The following CTBP1 variants were observed in gnomAD, a reference collection of about 807,000 sequenced individuals.
CTBP1 encodes the protein C-terminal binding protein 1.
A neutral mutation model predicts 42.1 loss-of-function variants in CTBP1; 11 were observed. The observed-to-expected ratio is 0.26, with a 90% CI of 0.16 to 0.43. CTBP1 has a LOEUF of 0.43. Among genes scored for constraint, CTBP1 ranks in the 20% least tolerant of loss-of-function variants. The pLI, the probability that CTBP1 is intolerant of heterozygous loss-of-function variation, is 1.00. For synonymous variants in CTBP1, 324 were observed against 277.1 expected (o/e 1.17, Z -1.68); for missense variants, 399 against 624.3 (o/e 0.64, Z 3.85).
chr4:1,227,988 A>C (rs1308436222), intron 4 of CTBP1, among the ~76,000 whole-genome samples: 2 of 152,182 alleles, frequency 1.3e-5, no homozygotes, highest in Admixed American at 1.3e-4. Flanking sequence ...CCTGCTGCCC[A>C]AAAGAGAGGA....
At chr4:1,216,944 G>C (rs1729191244) in intron 5 of CTBP1, 3 of 152,972 alleles carry the variant, frequency 2.0e-5, no homozygotes. Flanking sequence ...GGTGTCTCCT[G>C]CATTGCCTCA....
chr4:1,230,032 A>T (rs1730794118), intron 3 of CTBP1, among the ~76,000 whole-genome samples: 1 of 152,156 alleles, frequency 6.6e-6, no homozygotes, highest in Non-Finnish European at 1.5e-5. Context: ...AGGTGTGTGT[A>T]ACACTCATCA....
chr4:1,242,444 C>A (rs1379989320), intron 1 of CTBP1: 9 of 985,320 alleles, frequency 9.1e-6, no homozygotes, highest in Non-Finnish European at 1.1e-5. Context: ...AGGGGCCACT[C>A]AGCCAAGCCT....
chr4:1,248,556 G>C, intron 1 of CTBP1: 1 of 437,716 alleles, frequency 2.3e-6, no homozygotes, highest in East Asian at 1.6e-4. Flanking sequence ...GGTAGCGGCC[G>C]GGGATCGGGA....
chr4:1,248,891 G>T, intron 1 of CTBP1, 25 bp downstream of exon 1: 1 of 971,968 alleles, frequency 1.0e-6, no homozygotes, highest in Non-Finnish European at 1.2e-6. Flanking sequence ...CCCGCGGCCG[G>T]AAACGCGCGC....
chr4:1,243,862 C>T (rs1315491484), intron 1 of CTBP1: 14 of 985,348 alleles, frequency 1.4e-5, no homozygotes, highest in Non-Finnish European at 1.7e-5. Flanking sequence ...CGGCTCTCAG[C>T]CCAGCGACAC....
chr4:1,223,007 T>TG (rs1269974305), intron 5 of CTBP1, among the ~76,000 whole-genome samples: 6 of 151,988 alleles, frequency 3.9e-5, no homozygotes, highest in African/African-American at 7.3e-5. Flanking sequence ...GGACAGGCGG[T>TG]GACCTGCAGG....
chr4:1,219,878 T>C (rs541551034), intron 5 of CTBP1, among the ~76,000 whole-genome samples: 1 of 152,316 alleles, frequency 6.6e-6, no homozygotes, highest in Non-Finnish European at 1.5e-5. Context: ...TTTACAAAAC[T>C]CAAGTGTATT....
rs531434178 is a variant in CTBP1, at chr4:1,233,813, C to T, written c.162+4370G>A. ...CGGCGGCGACCTCCAACCAGCTATG[C>T]GGGAAGTTTCTGCCCCAGGAGGCAG... On this transcript the variant is annotated intron_variant, in intron 3 of 9. Transcript: ENST00000382952. This position sits in a 1 kb window ranked among gnomAD's most constrained non-coding sequence, Gnocchi z 4.6. Among the ~76,000 whole-genome samples the T allele has an allele frequency of 1.3e-5, 2 of 152,356 alleles. No individual in the cohort carries two copies. Among genetic ancestry groups the T allele is most frequent in the Admixed American group, 6.5e-5 (1 of 15,310 alleles).
At chr4:1,225,121 G>A (rs773688151) in intron 5 of CTBP1, among the ~76,000 whole-genome samples, 3 of 151,892 alleles carry the variant, frequency 2.0e-5, no homozygotes, top group Admixed American at 6.6e-5. Flanking sequence ...TGTGGCATCC[G>A]TGTACGTTAT....
intron 6 of CTBP1, among the ~76,000 whole-genome samples, chr4:1,215,252 ATCC>A (rs1197763424): frequency 6.6e-6 from 1 of 152,240 alleles, no homozygotes; most frequent in East Asian, 1.9e-4. Context: ...ACCTGGCCTC[ATCC>A]TCCTTGTGGC....
Position 1,248,559 on chromosome 4 carries a change from G to A in CTBP1, c.-189+357C>T, listed in dbSNP as rs1163011617. 4 of 466,648 alleles carry A rather than the reference G, an allele frequency of 8.6e-6. No homozygotes were observed. In the East Asian group the frequency reaches 4.6e-4, roughly 53 times the overall value. 28.9% of individuals were successfully genotyped at this position (466,648 alleles called of 1,614,324 possible). ...GACCGGGGACGGGGTAGCGGCCGGG[G>A]ATCGGGACCCGGGGTGCCGTCCCGG... On this transcript the variant is annotated intron_variant, in intron 1 of 9. Coordinates refer to ENST00000382952, the MANE Select transcript of CTBP1 (RefSeq NM_001012614.2).
chr4:1,244,975 G>A (rs1202454717), intron 1 of CTBP1: 1 of 985,332 alleles, frequency 1.0e-6, no homozygotes, highest in Non-Finnish European at 1.2e-6. Flanking sequence ...GCCCTGCAAT[G>A]GCAGAGAAGG....
intron 1 of CTBP1, chr4:1,248,568 C>G (rs1733009055): frequency 7.1e-6 from 4 of 563,060 alleles, no homozygotes; most frequent in Non-Finnish European, 9.0e-6. Context: ...GGATCGGGAC[C>G]CGGGGTGCCG....
Position 1,238,164 on chromosome 4 carries a change from G to C in CTBP1, c.162+19C>G, listed in dbSNP as rs1731775531. 1.2e-6 allele frequency: 2 copies of C among 1,612,472 alleles called. No individual in the cohort carries two copies. Among genetic ancestry groups the C allele is most frequent in the Non-Finnish European group, 1.7e-6 (2 of 1,179,554 alleles). On this transcript the variant is annotated intron_variant, in intron 3 of 9. Coordinates refer to ENST00000382952, the MANE Select transcript of CTBP1 (RefSeq NM_001012614.2). This position sits in a 1 kb window ranked among gnomAD's most constrained non-coding sequence, Gnocchi z 5.9. ...CCAACGTGCGGTTCTGCCAGCCCCA[G>C]GCGACCACGTGGTGGTACCTTCTCA...
intron 5 of CTBP1, among the ~76,000 whole-genome samples, chr4:1,221,113 A>G (rs779743878): frequency 6.6e-6 from 1 of 152,266 alleles, no homozygotes; most frequent in Non-Finnish European, 1.5e-5. Flanking sequence ...CGATCTGACA[A>G]GAACCTGACG....
intron 5 of CTBP1, among the ~76,000 whole-genome samples, chr4:1,222,354 G>C (rs1481723054): frequency 6.6e-6 from 1 of 152,108 alleles, no homozygotes; most frequent in Non-Finnish European, 1.5e-5. Flanking sequence ...CTCAGCTCCC[G>C]AGGCCGAGGG....
intron 5 of CTBP1, among the ~76,000 whole-genome samples, chr4:1,224,118 A>G (rs1732117): frequency 0.79 from 120,809 of 152,222 alleles, 49,080 homozygotes; most frequent in South Asian, 0.91. Flanking sequence ...GGGCGAGCAC[A>G]TGCTAGACCG....
chr4:1,248,869 G>A (rs1733061367), intron 1 of CTBP1, 47 bp downstream of exon 1: 2 of 319,330 alleles, frequency 6.3e-6, no homozygotes, highest in Non-Finnish European at 8.6e-6. Flanking sequence ...CACCCGCCCC[G>A]CCCCGCCCCC....
Sources: gnomAD v4.1 joint callset for allele counts (sites outside exome capture counted in the v4.1 genomes callset) on GRCh38, gnomAD v4.1.1 for gene constraint, Gnocchi (gnomAD v3.1) non-coding constraint, MANE v1.5 for transcripts, NCBI Gene and HGNC (gene_info 2026-07-23, HGNC 2026-07-21) for gene names.